Variants in UBXN2A observed in about 807,000 individuals in gnomAD.
UBXN2A encodes UBX domain-containing protein 2A.
In UBXN2A, 28 loss-of-function variants were observed where a neutral mutation model predicts 28.4. The ratio of observed to expected loss-of-function variants is 0.99; its 90% CI spans 0.73 to 1.35. The LOEUF (loss-of-function observed/expected upper bound fraction) is 1.35, where lower values mean the gene tolerates loss of function less well. UBXN2A is among the 40% of genes most tolerant of loss of function. UBXN2A has a pLI of 0.00. For missense variants in UBXN2A, 253 were observed against 297.9 expected (o/e 0.85, Z 1.11); for synonymous variants, 97 against 103.6 (o/e 0.94, Z 0.39).
Position 23,934,890 on chromosome 2 carries a change from G to A in UBXN2A, c.-137-4650G>A, listed in dbSNP as rs1471159225. On this transcript the variant is annotated intron_variant, in intron 1 of 7. Coordinates refer to the UBXN2A transcript ENST00000404924. ...AGAGTTCAAGACCAGCCTGGCCAAC[G>A]TGGTAAAACCCCGTCTCTACTAAAA... is the stretch of plus-strand genomic sequence containing the variant. Among the ~76,000 whole-genome samples, 5 of 152,046 alleles carry A rather than the reference G, an allele frequency of 3.3e-5. 1 individual carries two copies. Among genetic ancestry groups the A allele is most frequent in the South Asian group, 4.2e-4 (2 of 4,804 alleles).
intron 3 of UBXN2A, among the ~76,000 whole-genome samples, chr2:23,974,746 G>A (rs966786811): frequency 6.6e-6 from 1 of 152,206 alleles, no homozygotes; most frequent in African/African-American, 2.4e-5. Context: ...GGGAGGCCAA[G>A]GTGGGTGAAT....
intron 2 of UBXN2A, among the ~76,000 whole-genome samples, chr2:23,967,393 A>C (rs4665251): frequency 0.45 from 68,558 of 152,032 alleles, 16,360 homozygotes; most frequent in East Asian, 0.78. Flanking sequence ...CAGAAGAAAC[A>C]GTTAAATACC....
upstream of UBXN2A, among the ~76,000 whole-genome samples, chr2:23,936,143 G>C (rs1029999347): frequency 1.3e-5 from 2 of 152,100 alleles, no homozygotes; most frequent in African/African-American, 4.8e-5. Context: ...TCAAATACTT[G>C]TATACCAAAG....
At chr2:23,928,777 A>C (rs554922178) in intron 1 of UBXN2A, among the ~76,000 whole-genome samples, 1 of 152,180 alleles carries the variant, frequency 6.6e-6, no homozygotes, top group African/African-American at 2.4e-5. Context: ...ACTGGAAATG[A>C]CAATTTTTTT....
chr2:23,985,344 C>T (rs1354487609), intron 6 of UBXN2A, among the ~76,000 whole-genome samples: 1 of 151,862 alleles, frequency 6.6e-6, no homozygotes, highest in African/African-American at 2.4e-5. Context: ...TGCCTCCCAG[C>T]TTCAAGTGAT....
chr2:23,939,909 A>G (rs1705662467), upstream of UBXN2A, among the ~76,000 whole-genome samples: 1 of 152,152 alleles, frequency 6.6e-6, no homozygotes, highest in Non-Finnish European at 1.5e-5. Flanking sequence ...CAGGAGTTCA[A>G]GACCAGCCTG....
At chr2:23,967,930 C>CTT (rs970967011) in intron 2 of UBXN2A, among the ~76,000 whole-genome samples, 1 of 144,560 alleles carries the variant, frequency 6.9e-6, no homozygotes, top group African/African-American at 2.5e-5. Flanking sequence ...TAGTGATGGC[C>CTT]TTTTTTTTTT....
chr2:23,975,701 C>T (rs1707629041), intron 3 of UBXN2A, among the ~76,000 whole-genome samples: 1 of 152,014 alleles, frequency 6.6e-6, no homozygotes, highest in Admixed American at 6.6e-5. Context: ...TGCAGTGGTG[C>T]GATCTCATCT....
At chr2:23,999,384 C>T (rs937224257) in intron 6 of UBXN2A, among the ~76,000 whole-genome samples, 1 of 152,014 alleles carries the variant, frequency 6.6e-6, no homozygotes, top group African/African-American at 2.4e-5. Context: ...AAAGATAGCC[C>T]AAATAATCAG....
intron 6 of UBXN2A, among the ~76,000 whole-genome samples, chr2:23,991,406 T>TACACACACACACAC (rs371442810): frequency 0.035 from 5,204 of 148,442 alleles, 138 homozygotes; most frequent in Middle Eastern, 0.055. Context: ...TTTTATTTTA[T>TACACACACACACAC]ACACACACAC....
upstream of UBXN2A, among the ~76,000 whole-genome samples, chr2:23,940,141 G>C (rs1174879575): frequency 6.6e-6 from 1 of 151,410 alleles, no homozygotes; most frequent in South Asian, 2.1e-4. Context: ...GTGGGTGGGG[G>C]TTTCTTCAAC....
chr2:23,979,735 A>T (rs1041459585), intron 4 of UBXN2A, among the ~76,000 whole-genome samples: 2 of 151,738 alleles, frequency 1.3e-5, no homozygotes, highest in Admixed American at 6.6e-5. Flanking sequence ...TGCCCAGCTA[A>T]TTTTTTTTAA....
intron 6 of UBXN2A, among the ~76,000 whole-genome samples, chr2:23,987,777 CAAA>C (rs56133612): frequency 2.2e-4 from 29 of 131,076 alleles, no homozygotes; most frequent in East Asian, 6.6e-4. Flanking sequence ...GACTCCATCT[CAAA>C]AAAAAAAAAA....
intron 1 of UBXN2A, among the ~76,000 whole-genome samples, chr2:23,930,649 A>G (rs1409872538): frequency 6.6e-6 from 1 of 152,076 alleles, no homozygotes; most frequent in East Asian, 1.9e-4. Context: ...GCTTGAGTTC[A>G]GGCATTCAAG....
intron 1 of UBXN2A, among the ~76,000 whole-genome samples, chr2:23,933,098 C>G (rs1705422778): frequency 6.7e-6 from 1 of 150,342 alleles, no homozygotes; most frequent in Admixed American, 6.6e-5. Flanking sequence ...GAGCGAGACT[C>G]CATCTCAAAA....
chr2:23,982,768 A>G, intron 4 of UBXN2A, 128 bp from the exon 5 acceptor site: 1 of 957,638 alleles, frequency 1.0e-6, no homozygotes, highest in Non-Finnish European at 1.4e-6. Context: ...ACATTTAGTT[A>G]TTTCATTGTA....
At chr2:23,997,643 TC>T (rs1316819263) in intron 6 of UBXN2A, among the ~76,000 whole-genome samples, 1 of 151,478 alleles carries the variant, frequency 6.6e-6, no homozygotes, top group Non-Finnish European at 1.5e-5. Flanking sequence ...AGACGGAATT[TC>T]ACCATGTTGG....
intron 1 of UBXN2A, among the ~76,000 whole-genome samples, chr2:23,929,133 AAGAG>A (rs1046808530): frequency 3.3e-5 from 5 of 151,904 alleles, no homozygotes; most frequent in Admixed American, 1.3e-4. Context: ...GCCAAAAAGA[AAGAG>A]AGAGAGACAG....
Position 23,971,416 on chromosome 2 carries a change from T to C in UBXN2A, c.180+2T>C. 2 of 1,532,850 alleles carry C rather than the reference T, an allele frequency of 1.3e-6. No homozygotes were observed. The highest frequency in any genetic ancestry group is 1.8e-6 in the Non-Finnish European group (2 of 1,129,616). The allele number at this position is 1,532,850 out of a possible 1,614,324, so 95.0% of individuals were successfully genotyped here. ...TCTCCCGCTGAACAGAAGAAACAGGTAAATAAATGTCTATTACTTTTCTTT... is the reference window on the plus strand; with the variant it reads ...TCTCCCGCTGAACAGAAGAAACAGGCAAATAAATGTCTATTACTTTTCTTT... On this transcript the variant is annotated splice_donor_variant, in intron 3 of 6. Transcript: ENST00000309033. LOFTEE classifies it high-confidence loss of function.
Sources: allele counts gnomAD v4.1 joint callset (sites outside exome capture counted in the v4.1 genomes callset), GRCh38; gene constraint gnomAD v4.1.1; transcripts MANE v1.5; gene names NCBI Gene and HGNC (gene_info 2026-07-23, HGNC 2026-07-21).